BDP1: variants seen among roughly 807,000 people sequenced by gnomAD.
BDP1 encodes the protein transcription factor TFIIIB component B'' homolog.
A neutral mutation model predicts 266.6 loss-of-function variants in BDP1; 169 were observed. The observed-to-expected ratio is 0.63, with a 90% confidence interval of 0.56 to 0.72. The LOEUF is 0.72. BDP1 is among the 30% of genes least tolerant of loss of function. The pLI, the probability that BDP1 is intolerant of heterozygous loss-of-function variation, is 0.00. For missense variants in BDP1, 3,015 were observed against 3,053.8 expected (o/e 0.99, Z 0.30); for synonymous variants, 1,090 against 1,022.4 (o/e 1.07, Z -1.26).
intron 7 of BDP1, among the ~76,000 whole-genome samples, chr5:71,473,043 C>T (rs933409228): frequency 2.4e-4 from 37 of 151,128 alleles, no homozygotes; most frequent in Admixed American, 7.3e-4. Flanking sequence ...CCACAATGCC[C>T]GGCTAATTTT....
intron 26 of BDP1, among the ~76,000 whole-genome samples, chr5:71,537,198 A>AAAGT (rs1419142588): frequency 2.2e-4 from 33 of 151,738 alleles, no homozygotes; most frequent in African/African-American, 8.0e-4. Flanking sequence ...CATGGGAATA[A>AAAGT]AAGTAACTTA....
intron 11 of BDP1, 108 bp downstream of exon 11, chr5:71,491,239 T>A: frequency 9.5e-7 from 1 of 1,057,272 alleles, no homozygotes; most frequent in Non-Finnish European, 1.4e-6. Context: ...TTTTTTCAGT[T>A]CTATTTGTTT....
intron 7 of BDP1, among the ~76,000 whole-genome samples, chr5:71,472,056 T>C (rs1762281537): frequency 6.6e-6 from 1 of 152,260 alleles, no homozygotes; most frequent in Non-Finnish European, 1.5e-5. Context: ...GCTCTGCTGA[T>C]CTGTGTAATT....
intron 33 of BDP1, 141 bp downstream of exon 33, chr5:71,548,886 G>T: frequency 1.5e-6 from 1 of 662,928 alleles, no homozygotes; most frequent in East Asian, 2.6e-5. Flanking sequence ...GAAACACCTT[G>T]AAGTATTTTG....
At chr5:71,549,055 A>G (rs1472718057) in intron 33 of BDP1, among the ~76,000 whole-genome samples, 1 of 152,176 alleles carries the variant, frequency 6.6e-6, no homozygotes, top group Admixed American at 6.5e-5. Flanking sequence ...CCTGGCCAAC[A>G]TGGTGAAACA....
chr5:71,562,677 A>G, intron 38 of BDP1, 157 bp downstream of exon 38: 2 of 1,476,634 alleles, frequency 1.4e-6, no homozygotes, highest in Non-Finnish European at 1.8e-6. Context: ...CCATAATGGA[A>G]GAAGAAAAGG....
chr5:71,568,587 G>A (rs2112171168), downstream of BDP1, among the ~76,000 whole-genome samples: 1 of 152,268 alleles, frequency 6.6e-6, no homozygotes, highest in East Asian at 1.9e-4. Context: ...TCCCAGGTAG[G>A]TGAGCCGTCA....
rs543061114 is a variant in BDP1, at chr5:71,533,655, G to A, written c.5892+1228G>A. Among the ~76,000 whole-genome samples, 7 of 151,728 alleles carry A rather than the reference G, an allele frequency of 4.6e-5. No homozygotes were observed. In the South Asian group the frequency reaches 1.5e-3, roughly 32 times the overall value. On this transcript the variant is annotated intron_variant, in intron 26 of 38. Transcript: ENST00000358731. ...TAATTTTTTTTTTTTGTAGAGGTGG[G>A]GTCTTGCTGTGTTGTTCAGGCTGGT...
the BDP1 span, among the ~76,000 whole-genome samples, chr5:71,575,761 T>C: frequency 6.6e-6 from 1 of 152,208 alleles, no homozygotes; most frequent in Non-Finnish European, 1.5e-5. Context: ...CCCCAAGGCA[T>C]GCTTAACAGT....
At chr5:71,489,322 G>A in intron 9 of BDP1, 82 bp from the exon 10 acceptor site, 2 of 959,622 alleles carry the variant, frequency 2.1e-6, no homozygotes, top group Non-Finnish European at 3.1e-6. Context: ...TAATACAGAG[G>A]ACATCTTTGA....
intron 25 of BDP1, among the ~76,000 whole-genome samples, chr5:71,532,078 G>T (rs1339650043): frequency 6.6e-6 from 1 of 152,144 alleles, no homozygotes; most frequent in Non-Finnish European, 1.5e-5. Flanking sequence ...TAGAAAATTT[G>T]CTTACTGGTT....
intron 7 of BDP1, among the ~76,000 whole-genome samples, chr5:71,473,618 GA>G (rs1054097341): frequency 1.3e-5 from 2 of 151,862 alleles, no homozygotes; most frequent in African/African-American, 4.8e-5. Context: ...TGTTTTTATT[GA>G]TTTTTTTTTG....
At chr5:71,558,935 C>T (rs1743431278) in intron 36 of BDP1, among the ~76,000 whole-genome samples, 3 of 152,182 alleles carry the variant, frequency 2.0e-5, no homozygotes, top group South Asian at 4.1e-4. Context: ...TGGTGGGTCA[C>T]TTGAGGTCAG....
At chr5:71,525,267 ACCC>A (rs1257894176) in intron 25 of BDP1, among the ~76,000 whole-genome samples, 5 of 113,214 alleles carry the variant, frequency 4.4e-5, no homozygotes, top group Admixed American at 9.2e-5. Flanking sequence ...CGGGGGGCTG[ACCC>A]CCCCCACCTC....
intron 30 of BDP1, 43 bp downstream of exon 30, chr5:71,542,308 C>T (rs757155183): frequency 7.4e-5 from 108 of 1,459,376 alleles, no homozygotes; most frequent in Non-Finnish European, 9.9e-5. Context: ...CATTTTGACA[C>T]AAGAAATTAC....
intron 11 of BDP1, among the ~76,000 whole-genome samples, chr5:71,491,457 G>T (rs184906910): frequency 6.6e-6 from 1 of 151,338 alleles, no homozygotes; most frequent in Non-Finnish European, 1.5e-5. Context: ...TTTGGTTTTC[G>T]TTAGTTTGAA....
intron 2 of BDP1, among the ~76,000 whole-genome samples, chr5:71,461,576 T>G (rs1020249002): frequency 3.9e-5 from 6 of 152,118 alleles, no homozygotes; most frequent in Non-Finnish European, 8.8e-5. Context: ...ATTGCGCCAC[T>G]GCACTTTAGC....
chr5:71,523,957 C>A lies in BDP1; in HGVS notation c.5406C>A (p.Asn1802Lys), dbSNP rs556241493. The A allele has an allele frequency of 6.2e-7, 1 of 1,613,048 alleles. No homozygotes were observed. Among genetic ancestry groups the A allele is most frequent in the Non-Finnish European group, 8.5e-7 (1 of 1,179,420 alleles). The change falls in exon 25 of 39, where the codon AAC becomes AAA. Residue 1802 changes from asparagine (N) to lysine (K), a missense_variant. Asn to Lys is a moderately conservative substitution (Grantham distance 94). Coordinates refer to ENST00000358731, the MANE Select transcript of BDP1 (RefSeq NM_018429.3). ...NKLTSCPQPL[N>K]ETSYSKIALD... ...TATCTAGCTGTCCACAACCGTTAAACGAAACAAGTTACTCTAAAATTGCCC... is the reference window on the plus strand; with the variant it reads ...TATCTAGCTGTCCACAACCGTTAAAAGAAACAAGTTACTCTAAAATTGCCC...
At chr5:71,546,647 C>CAAAAAAAAAAAAAAAAAAAA (rs1421064235) in intron 32 of BDP1, among the ~76,000 whole-genome samples, 1 of 100,582 alleles carries the variant, frequency 9.9e-6, no homozygotes. Flanking sequence ...AAAAAAAAAC[C>CAAAAAAAAAAAAAAAAAAAA]AAAAAACTGA....
Sources: allele counts gnomAD v4.1 joint callset (sites outside exome capture counted in the v4.1 genomes callset), GRCh38; gene constraint gnomAD v4.1.1; transcripts MANE v1.5; gene names NCBI Gene and HGNC (gene_info 2026-07-23, HGNC 2026-07-21).